The following ZNF385B variants were observed in gnomAD, a reference collection of about 807,000 sequenced individuals.
ZNF385B encodes the protein zinc finger protein 533.
Under a neutral mutation model 39.2 loss-of-function variants are expected in ZNF385B, and 23 were observed. That is an observed-to-expected ratio of 0.59 (90% confidence interval 0.42 to 0.83). ZNF385B has a LOEUF of 0.83. Ranked by LOEUF, ZNF385B falls within the 40% of genes least tolerant of loss-of-function variation. The probability of loss-of-function intolerance (pLI) is 0.00; values close to 1 mark genes in which losing one functional copy is unlikely to be tolerated. For synonymous variants in ZNF385B, 205 were observed against 222.6 expected, an observed-to-expected ratio of 0.92 and a Z score of 0.70; for missense variants, 552 against 598.9, an observed-to-expected ratio of 0.92 and a Z score of 0.82.
chr2:179,747,418 C>T (rs1702445839), intron 3 of ZNF385B, among the ~76,000 whole-genome samples: 1 of 152,024 alleles, frequency 6.6e-6, no homozygotes, highest in Non-Finnish European at 1.5e-5. Context: ...CACCTGAATT[C>T]TATTTGTCAC....
chr2:179,746,425 T>C (rs2106460923), intron 3 of ZNF385B, among the ~76,000 whole-genome samples: 1 of 152,212 alleles, frequency 6.6e-6, no homozygotes, highest in South Asian at 2.1e-4. Context: ...GACATAGATG[T>C]CCATTAAAGG....
chr2:179,860,855 T>G (rs1315479556), intron 1 of ZNF385B: 1 of 393,912 alleles, frequency 2.5e-6, no homozygotes, highest in South Asian at 1.9e-5. Context: ...TTCCACGACC[T>G]AATCCTAACT....
chr2:179,586,465 G>A (rs559244235), intron 3 of ZNF385B, among the ~76,000 whole-genome samples: 40 of 152,098 alleles, frequency 2.6e-4, no homozygotes, highest in Admixed American at 5.2e-4. Flanking sequence ...TACCAATAAG[G>A]AAACAAGGCC....
In ZNF385B at chr2:179,725,908, G is replaced by GTATATA. The variant is rs200614511; in HGVS notation, c.298+43594_298+43595insTATATA. On this transcript the variant is annotated intron_variant, in intron 3 of 9. Transcript: ENST00000410066. ...TATATATGAATATATGTGTTTGTGT[G>GTATATA]TGTATATATATATATATATATATAT... 4.0e-4 allele frequency among the ~76,000 whole-genome samples: 44 copies of GTATATA among 111,080 alleles called. 1 individual carries two copies. Among genetic ancestry groups the GTATATA allele is most frequent in the South Asian group, 1.5e-3 (6 of 3,960 alleles). The allele number at this position is 111,080 out of a possible 152,430, so 72.9% of individuals were successfully genotyped here. A position where few individuals can be genotyped will look rare whatever the true frequency, so the allele number is the denominator to read the frequency against.
At chr2:179,845,248 C>A (rs1205443613) in intron 1 of ZNF385B, among the ~76,000 whole-genome samples, 2 of 152,094 alleles carry the variant, frequency 1.3e-5, no homozygotes, top group Admixed American at 6.6e-5. Flanking sequence ...CAGTTCAATT[C>A]TTTAGTGGGT....
At chr2:179,448,993 T>C (rs1438989055) in intron 6 of ZNF385B, among the ~76,000 whole-genome samples, 1 of 152,194 alleles carries the variant, frequency 6.6e-6, no homozygotes, top group African/African-American at 2.4e-5. Context: ...TATGTTCCTA[T>C]TTCTTTAAGA....
chr2:179,744,312 A>T (rs890696889), intron 3 of ZNF385B, among the ~76,000 whole-genome samples: 1 of 145,436 alleles, frequency 6.9e-6, no homozygotes, highest in East Asian at 2.0e-4. Context: ...CCATCTCTCC[A>T]TTTTTTTTTT....
At chr2:179,688,513 A>G (rs1698102151) in intron 3 of ZNF385B, among the ~76,000 whole-genome samples, 1 of 151,478 alleles carries the variant, frequency 6.6e-6, no homozygotes, top group Admixed American at 6.6e-5. Flanking sequence ...AACAACAACA[A>G]CAACAAAAAC....
chr2:179,612,986 A>T (rs1419387205), intron 3 of ZNF385B, among the ~76,000 whole-genome samples: 1 of 152,230 alleles, frequency 6.6e-6, no homozygotes, highest in Non-Finnish European at 1.5e-5. Context: ...CCTTCGCATA[A>T]GCAGAAGAGT....
rs972094509 is a variant in ZNF385B at position 179,769,811 on chromosome 2, CA to C, written c.-2-10del. On this transcript the variant is annotated splice_polypyrimidine_tract_variant and intron_variant, in intron 2 of 9. Transcript: ENST00000410066. ...TAAGGAGTACCTCATGCCTGAAAAA[CA>C]AAACAAGTACAAGTGCTTCTGAAAT... The C allele has an allele frequency of 5.0e-6, 8 of 1,590,638 alleles. No homozygotes were observed. The African/African-American group carries it at 8.1e-5, about 16-fold the overall frequency.
intron 3 of ZNF385B, among the ~76,000 whole-genome samples, chr2:179,565,989 T>TA (rs1343419943): frequency 6.6e-6 from 1 of 152,210 alleles, no homozygotes; most frequent in Admixed American, 6.5e-5. Context: ...TCTTCTGGCT[T>TA]AGAGACCAGA....
Position 179,793,640 on chromosome 2 carries a change from C to A in ZNF385B, c.-154-22968G>T, listed in dbSNP as rs192463795. 5.2e-3 allele frequency among the ~76,000 whole-genome samples: 795 copies of A among 152,296 alleles called. 29 individuals are homozygous for A. Among genetic ancestry groups the A allele is most frequent in the Admixed American group, 0.046 (697 of 15,302 alleles). ...GTTTCCTGAGGCCTCCTCAGCCATGCGGAACTGTGAGTCAATTAAACCTCT... is the reference window on the plus strand; with the variant it reads ...GTTTCCTGAGGCCTCCTCAGCCATGAGGAACTGTGAGTCAATTAAACCTCT... On this transcript the variant is annotated intron_variant, in intron 1 of 9. Coordinates refer to ENST00000410066, the MANE Select transcript of ZNF385B (RefSeq NM_152520.6).
At chr2:179,768,687 T>C (rs559054522) in intron 3 of ZNF385B, among the ~76,000 whole-genome samples, 183 of 152,358 alleles carry the variant, frequency 1.2e-3, no homozygotes, top group African/African-American at 4.2e-3. Flanking sequence ...AGGAAGACTG[T>C]CTTTTGTAGA....
chr2:179,554,243 C>T lies in ZNF385B; in HGVS notation c.299-9274G>A, dbSNP rs549536044. On this transcript the variant is annotated intron_variant, in intron 3 of 9. Coordinates refer to ENST00000410066, the MANE Select transcript of ZNF385B (RefSeq NM_152520.6). Reference sequence around the variant, plus strand: ...TAAATCTATTAATACTTACCATAAACGGCAGGGGTCATGTGTTATCAAAAA... The same window carrying T: ...TAAATCTATTAATACTTACCATAAATGGCAGGGGTCATGTGTTATCAAAAA... Among the ~76,000 whole-genome samples, 16 of 149,108 alleles carry T rather than the reference C, an allele frequency of 1.1e-4. 2 individuals are homozygous for T. The highest frequency in any genetic ancestry group is 1.9e-4 in the East Asian group (1 of 5,182).
At chr2:179,673,927 A>G (rs1007080904) in intron 3 of ZNF385B, among the ~76,000 whole-genome samples, 1 of 152,228 alleles carries the variant, frequency 6.6e-6, no homozygotes, top group Non-Finnish European at 1.5e-5. Flanking sequence ...ACATAAAATC[A>G]TGCAGACTTT....
chr2:179,685,057 T>C (rs934289238), intron 3 of ZNF385B, among the ~76,000 whole-genome samples: 14 of 152,224 alleles, frequency 9.2e-5, no homozygotes, highest in African/African-American at 3.4e-4. Flanking sequence ...CTTGTCTATA[T>C]CTAATTGAAG....
intron 1 of ZNF385B, among the ~76,000 whole-genome samples, chr2:179,807,628 G>A (rs867573981): frequency 6.6e-6 from 1 of 151,728 alleles, no homozygotes; most frequent in African/African-American, 2.4e-5. Context: ...AGGTGCGGTG[G>A]CTCACGCCTG....
intron 3 of ZNF385B, among the ~76,000 whole-genome samples, chr2:179,629,967 G>A (rs920267354): frequency 2.0e-5 from 3 of 152,260 alleles, no homozygotes; most frequent in Admixed American, 6.5e-5. Context: ...TGGGGGAGGG[G>A]TGTCTGCCAT....
intron 4 of ZNF385B, among the ~76,000 whole-genome samples, chr2:179,529,326 CT>C (rs1168638997): frequency 6.6e-6 from 1 of 152,104 alleles, no homozygotes; most frequent in Non-Finnish European, 1.5e-5. Flanking sequence ...TGTTTCCATT[CT>C]TGAATAAGCA....
Sources: gnomAD v4.1 joint callset for allele counts (sites outside exome capture counted in the v4.1 genomes callset) on GRCh38, gnomAD v4.1.1 for gene constraint, MANE v1.5 for transcripts, NCBI Gene and HGNC (gene_info 2026-07-23, HGNC 2026-07-21) for gene names.